The following TET1 variants were observed in gnomAD, a reference collection of about 807,000 sequenced individuals.
TET1 encodes tet methylcytosine dioxygenase 1, also known as methylcytosine dioxygenase TET1.
In TET1, 13 loss-of-function variants were observed where a neutral mutation model predicts 148.7. The ratio of observed to expected loss-of-function variants is 0.09; its 90% CI spans 0.06 to 0.14. TET1 has a LOEUF of 0.14. Ranked by LOEUF, TET1 falls within the 10% of genes least tolerant of loss-of-function variation. The pLI is 1.00. For synonymous variants in TET1, 907 were observed against 937.2 expected (o/e 0.97, Z 0.59); for missense variants, 2,182 against 2,553.8 (o/e 0.85, Z 3.14).
chr10:68,624,187 C>T (rs2054417165), intron 3 of TET1, among the ~76,000 whole-genome samples: 1 of 151,622 alleles, frequency 6.6e-6, no homozygotes, highest in African/African-American at 2.4e-5. Context: ...ACTTCCCCAT[C>T]CCGGGTTCAA....
At chr10:68,585,316 T>C (rs1404669733) in intron 2 of TET1, among the ~76,000 whole-genome samples, 1 of 152,086 alleles carries the variant, frequency 6.6e-6, no homozygotes, top group Non-Finnish European at 1.5e-5. Context: ...GTGTTTTTAA[T>C]AGAGACGTGA....
At chr10:68,649,750 T>C (rs1401264455) in intron 4 of TET1, among the ~76,000 whole-genome samples, 5 of 152,164 alleles carry the variant, frequency 3.3e-5, no homozygotes, top group African/African-American at 1.2e-4. Flanking sequence ...TCTAAAAGGA[T>C]GATTGTCTAG....
chr10:68,661,834 A>C (rs76764209), intron 6 of TET1, among the ~76,000 whole-genome samples: 26,535 of 149,836 alleles, frequency 0.18, 2,936 homozygotes, highest in African/African-American at 0.31. Flanking sequence ...CACACACACA[A>C]AAAACCAAGT....
intron 1 of TET1, among the ~76,000 whole-genome samples, chr10:68,564,620 A>G (rs1194583139): frequency 6.6e-6 from 1 of 152,180 alleles, no homozygotes; most frequent in African/African-American, 2.4e-5. Flanking sequence ...TTGGCCAATG[A>G]TAGATGCTTA....
At chr10:68,578,981 C>T (rs1374677561) in intron 2 of TET1, among the ~76,000 whole-genome samples, 1 of 152,066 alleles carries the variant, frequency 6.6e-6, no homozygotes, top group Non-Finnish European at 1.5e-5. Flanking sequence ...CGCGCCACTG[C>T]ACTCCAGCCT....
chr10:68,681,328 A>G lies in TET1; in HGVS notation c.4825-71A>G, dbSNP rs1028818860. The G allele has an allele frequency of 5.4e-6, 5 of 924,892 alleles. No homozygotes were observed. In the Admixed American group the frequency reaches 6.4e-5, roughly 12 times the overall value. 57.3% of individuals were successfully genotyped at this position (924,892 alleles called of 1,614,324 possible). The stretch of plus-strand genomic sequence containing the variant: ...CATTAACCACCATCAGCCATGATTT[A>G]TGATTCAGTTGTACCTTAAACACAT... On this transcript the variant is annotated intron_variant, in intron 8 of 11. Transcript: ENST00000373644.
intron 7 of TET1, among the ~76,000 whole-genome samples, chr10:68,671,595 A>G (rs2055272910): frequency 6.6e-6 from 1 of 150,748 alleles, no homozygotes; most frequent in South Asian, 2.1e-4. Context: ...ATACAGTTTT[A>G]TAACTACAAG....
chr10:68,570,559 A>T (rs2133679625), intron 1 of TET1, among the ~76,000 whole-genome samples: 1 of 152,146 alleles, frequency 6.6e-6, no homozygotes, highest in Admixed American at 6.5e-5. Context: ...CACTTGGGAT[A>T]TTTTAGTACT....
intron 3 of TET1, among the ~76,000 whole-genome samples, chr10:68,602,467 G>A (rs1271934312): frequency 6.6e-6 from 1 of 152,164 alleles, no homozygotes; most frequent in Admixed American, 6.6e-5. Flanking sequence ...GGGATTAGCA[G>A]GAGAAAGGGA....
At chr10:68,661,990 G>A (rs1335932729) in intron 6 of TET1, among the ~76,000 whole-genome samples, 1 of 149,234 alleles carries the variant, frequency 6.7e-6, no homozygotes, top group African/African-American at 2.5e-5. Context: ...ATTCTCATGC[G>A]TCAGCCTCCC....
At chr10:68,624,828 T>C in intron 3 of TET1, among the ~76,000 whole-genome samples, 1 of 146,898 alleles carries the variant, frequency 6.8e-6, no homozygotes, top group East Asian at 2.0e-4. Context: ...GCCTTCCGGG[T>C]TCACGCCATT....
rs553591899 is a variant in TET1 at position 68,597,030 on chromosome 10, A to ATTTTTTTTTTTTTTTTTTTTTTTT, written c.1915-3930_1915-3929insTTTTTTTTTTTTTTTTTTTTTTTT. The stretch of plus-strand genomic sequence containing the variant: ...ATTTTCATGATCACACAGCTAATGG[A>ATTTTTTTTTTTTTTTTTTTTTTTT]TTTTTTTTTTTTTTTTTTTTTGAGA... On this transcript the variant is annotated intron_variant, in intron 2 of 11. Transcript: ENST00000373644. Among the ~76,000 whole-genome samples the ATTTTTTTTTTTTTTTTTTTTTTTT allele has an allele frequency of 1.1e-3, 111 of 98,854 alleles. 11 individuals carry two copies. The highest frequency in any genetic ancestry group is 1.3e-3 in the Non-Finnish European group (65 of 51,424). 64.9% of individuals were successfully genotyped at this position (98,854 alleles called of 152,430 possible). A position where few individuals can be genotyped will look rare whatever the true frequency, so the allele number is the denominator to read the frequency against.
chr10:68,594,014 C>T (rs1212319570), intron 2 of TET1, among the ~76,000 whole-genome samples: 1 of 140,126 alleles, frequency 7.1e-6, no homozygotes, highest in Non-Finnish European at 1.5e-5. Flanking sequence ...GAACCTGTGC[C>T]TACTGGGTTC....
chr10:68,612,253 C>T (rs1264228962), intron 3 of TET1, among the ~76,000 whole-genome samples: 1 of 152,088 alleles, frequency 6.6e-6, no homozygotes, highest in African/African-American at 2.4e-5. Flanking sequence ...CCACACCCAG[C>T]TAATTTTTGT....
At chr10:68,673,507 G>A (rs926453062) in intron 8 of TET1, 26 of 336,406 alleles carry the variant, frequency 7.7e-5, no homozygotes, top group East Asian at 3.7e-4. Flanking sequence ...GAAATTAGTC[G>A]AACTTGGTGT....
At chr10:68,663,830 A>G (rs182184152) in intron 6 of TET1, among the ~76,000 whole-genome samples, 14 of 152,322 alleles carry the variant, frequency 9.2e-5, no homozygotes, top group Admixed American at 9.2e-4. Flanking sequence ...TCCTATATGC[A>G]TGTGACATGA....
chr10:68,614,595 T>C (rs947681879), intron 3 of TET1, among the ~76,000 whole-genome samples: 14 of 152,260 alleles, frequency 9.2e-5, no homozygotes, highest in South Asian at 4.1e-4. Context: ...CACTGCAACC[T>C]AACCTTCACC....
intron 6 of TET1, among the ~76,000 whole-genome samples, chr10:68,654,432 A>T (rs1189421100): frequency 6.6e-6 from 1 of 152,082 alleles, no homozygotes; most frequent in Non-Finnish European, 1.5e-5. Context: ...CCTGGCTAAC[A>T]TGGTGAAACC....
intron 3 of TET1, among the ~76,000 whole-genome samples, chr10:68,639,415 C>G (rs1297763976): frequency 6.6e-6 from 1 of 150,514 alleles, no homozygotes; most frequent in Admixed American, 6.7e-5. Context: ...GAGCAAGACT[C>G]CGTCTCAAAG....
Sources: gnomAD v4.1 joint callset for allele counts (sites outside exome capture counted in the v4.1 genomes callset) on GRCh38, gnomAD v4.1.1 for gene constraint, MANE v1.5 for transcripts, NCBI Gene and HGNC (gene_info 2026-07-23, HGNC 2026-07-21) for gene names.